Variants in IKZF2 observed in about 807,000 individuals in gnomAD.
IKZF2 encodes the protein IKAROS family zinc finger 2.
Under a neutral mutation model 49.2 loss-of-function variants are expected in IKZF2, and 15 were observed. The observed-to-expected ratio is 0.30, with a 90% CI of 0.20 to 0.47. The LOEUF (loss-of-function observed/expected upper bound fraction) is 0.47, where lower values mean the gene tolerates loss of function less well. IKZF2 is among the 20% of genes least tolerant of loss of function. The pLI is 1.00. For synonymous variants in IKZF2, 227 were observed against 221.4 expected (o/e 1.03, Z -0.23); for missense variants, 567 against 664.6 (o/e 0.85, Z 1.61).
Position 213,104,860 on chromosome 2 carries a change from A to T in IKZF2, c.139+42848T>A, listed in dbSNP as rs539724818. Among the ~76,000 whole-genome samples the T allele has an allele frequency of 4.6e-5, 7 of 152,278 alleles. No individual in the cohort carries two copies. In the East Asian group the frequency reaches 1.3e-3, roughly 29 times the overall value. Reference sequence around the variant, plus strand: ...AGCAATAAAGCCTTCAGCCATTCCCATACTCAGATAAGAATGTAAAAAGAA... The same window carrying T: ...AGCAATAAAGCCTTCAGCCATTCCCTTACTCAGATAAGAATGTAAAAAGAA... On this transcript the variant is annotated intron_variant, in intron 4 of 8. Transcript: ENST00000434687.
intron 6 of IKZF2, among the ~76,000 whole-genome samples, chr2:213,043,650 T>C (rs1399711254): frequency 6.6e-6 from 1 of 152,212 alleles, no homozygotes; most frequent in East Asian, 1.9e-4. Context: ...ATGAAACTAT[T>C]CCACCTCAGA....
intron 8 of IKZF2, 28 bp from the exon 9 acceptor site, chr2:213,008,112 TAAAA>T: frequency 2.5e-5 from 32 of 1,279,492 alleles, no homozygotes; most frequent in South Asian, 3.3e-5. Flanking sequence ...GTGAAAGAAG[TAAAA>T]AAAAAAAAAA....
In IKZF2 at chr2:213,080,888, G is replaced by T. The variant is rs527306740; in HGVS notation, c.140-23789C>A. Reference sequence around the variant, plus strand: ...TCCTTCTCTAATCCATTTAATAAGGGATGAAATGTTTGGCACCATCTTGAC... The same window carrying T: ...TCCTTCTCTAATCCATTTAATAAGGTATGAAATGTTTGGCACCATCTTGAC... On this transcript the variant is annotated intron_variant, in intron 4 of 8. Transcript: ENST00000434687. Among the ~76,000 whole-genome samples, 206 of 152,156 alleles carry T rather than the reference G, an allele frequency of 1.4e-3. 2 individuals are homozygous for T. Among genetic ancestry groups the T allele is most frequent in the Non-Finnish European group, 2.4e-3 (162 of 67,984 alleles).
intron 5 of IKZF2, among the ~76,000 whole-genome samples, chr2:213,052,332 T>A (rs1700750916): frequency 6.6e-6 from 1 of 152,034 alleles, no homozygotes; most frequent in Admixed American, 6.6e-5. Flanking sequence ...CAAGGCATGA[T>A]GAAGGTAAAT....
Position 213,094,446 on chromosome 2 carries a change from T to C in IKZF2, c.140-37347A>G, listed in dbSNP as rs151323228. Among the ~76,000 whole-genome samples, 384 of 152,118 alleles carry C rather than the reference T, an allele frequency of 2.5e-3. 1 individual carries two copies. Among genetic ancestry groups the C allele is most frequent in the Middle Eastern group, 0.024 (7 of 294 alleles). Reference sequence around the variant, plus strand: ...AGACTACCATAGCTTCAGGGGCCCATGTAAGTACTATTTGCTGGTGTACCA... The same window carrying C: ...AGACTACCATAGCTTCAGGGGCCCACGTAAGTACTATTTGCTGGTGTACCA... On this transcript the variant is annotated intron_variant, in intron 4 of 8. Coordinates refer to ENST00000434687, the MANE Select transcript of IKZF2 (RefSeq NM_001387220.1).
chr2:213,034,213 T>A (rs1698770836), intron 6 of IKZF2, among the ~76,000 whole-genome samples: 1 of 152,250 alleles, frequency 6.6e-6, no homozygotes, highest in African/African-American at 2.4e-5. Context: ...GCTGGTTTGA[T>A]CTTCTATCCA....
chr2:213,143,415 G>C (rs1197830850), intron 4 of IKZF2, among the ~76,000 whole-genome samples: 2 of 151,844 alleles, frequency 1.3e-5, no homozygotes, highest in Non-Finnish European at 2.9e-5. Context: ...CAAAGAAAAA[G>C]TTACAGCACT....
At chr2:213,146,772 G>A (rs62189575) in intron 4 of IKZF2, among the ~76,000 whole-genome samples, 2 of 142,014 alleles carry the variant, frequency 1.4e-5, no homozygotes, top group South Asian at 4.5e-4. Context: ...GGGGGGGGAA[G>A]GAAAGAGAAT....
chr2:213,123,392 G>A (rs1471843473), intron 4 of IKZF2, among the ~76,000 whole-genome samples: 1 of 152,130 alleles, frequency 6.6e-6, no homozygotes, highest in African/African-American at 2.4e-5. Flanking sequence ...GGAAACATAA[G>A]CAATGGATTT....
chr2:213,025,623 A>G (rs1021126), intron 6 of IKZF2, among the ~76,000 whole-genome samples: 152,082 of 152,272 alleles, frequency 1, 75,946 homozygotes, highest in Non-Finnish European at 1. Context: ...GAGACAATAT[A>G]TATTTGCTGA....
At chr2:213,098,364 G>C (rs1706259508) in intron 4 of IKZF2, among the ~76,000 whole-genome samples, 1 of 152,024 alleles carries the variant, frequency 6.6e-6, no homozygotes, top group Non-Finnish European at 1.5e-5. Context: ...AAAGAGGTTT[G>C]AATGTACATT....
intron 8 of IKZF2, among the ~76,000 whole-genome samples, chr2:213,013,167 G>T (rs1696163619): frequency 5.3e-5 from 8 of 151,904 alleles, no homozygotes; most frequent in Admixed American, 4.6e-4. Context: ...ATCCAAATAT[G>T]AAACATCTTG....
chr2:213,055,717 C>A (rs1701082353), intron 5 of IKZF2, among the ~76,000 whole-genome samples: 1 of 152,006 alleles, frequency 6.6e-6, no homozygotes, highest in Non-Finnish European at 1.5e-5. Flanking sequence ...CCTTTACCTA[C>A]ATAAGGGATA....
At chr2:213,143,893 C>T (rs1008304141) in intron 4 of IKZF2, among the ~76,000 whole-genome samples, 1 of 151,826 alleles carries the variant, frequency 6.6e-6, no homozygotes, top group Non-Finnish European at 1.5e-5. Flanking sequence ...CGGCAGACAC[C>T]CTGAGAAGGT....
chr2:212,999,928 TACAG>T lies in IKZF2; in HGVS notation c.*7428_*7431del, dbSNP rs955968477. The T allele has an allele frequency of 2.0e-5, 3 of 151,990 alleles. No individual in the cohort carries two copies. Among genetic ancestry groups the T allele is most frequent in the Non-Finnish European group, 4.4e-5 (3 of 67,670 alleles). 9.4% of individuals were successfully genotyped at this position (151,990 alleles called of 1,614,324 possible). A position where few individuals can be genotyped will look rare whatever the true frequency, so the allele number is the denominator to read the frequency against. Reference sequence around the variant, plus strand: ...TGCAGCTTCTTTAGTTGTACACACATACAGACACACACTCACACATGCATATACA... The same window carrying T: ...TGCAGCTTCTTTAGTTGTACACACATACACACACTCACACATGCATATACA... On this transcript the variant is annotated 3_prime_UTR_variant, in exon 9 of 9. Coordinates refer to ENST00000434687, the MANE Select transcript of IKZF2 (RefSeq NM_001387220.1).
intron 1 of IKZF2, among the ~76,000 whole-genome samples, chr2:213,150,879 T>C (rs2061261309): frequency 6.6e-6 from 1 of 151,554 alleles, no homozygotes; most frequent in South Asian, 2.1e-4. Context: ...GCTGCCTGTT[T>C]ACATGTGTCA....
chr2:213,127,439 A>C (rs1190953363), intron 4 of IKZF2, among the ~76,000 whole-genome samples: 1 of 152,224 alleles, frequency 6.6e-6, no homozygotes, highest in Admixed American at 6.5e-5. Flanking sequence ...ATCCAGTGGA[A>C]TACCAATACA....
At chr2:213,094,514 C>G (rs958358837) in intron 4 of IKZF2, among the ~76,000 whole-genome samples, 7 of 151,948 alleles carry the variant, frequency 4.6e-5, no homozygotes, top group African/African-American at 1.7e-4. Flanking sequence ...GAATCTGAGA[C>G]CCCCCTAGCC....
At chr2:213,126,142 T>G (rs1339244984) in intron 4 of IKZF2, among the ~76,000 whole-genome samples, 3 of 152,200 alleles carry the variant, frequency 2.0e-5, no homozygotes, top group Non-Finnish European at 4.4e-5. Context: ...AATTTTGTAA[T>G]GCTGGCCACA....
Sources: gnomAD v4.1 joint callset for allele counts (sites outside exome capture counted in the v4.1 genomes callset) on GRCh38, gnomAD v4.1.1 for gene constraint, MANE v1.5 for transcripts, NCBI Gene and HGNC (gene_info 2026-07-23, HGNC 2026-07-21) for gene names.